C12orf42: variants seen among roughly 807,000 people sequenced by gnomAD.
C12orf42 encodes uncharacterized protein C12orf42.
In C12orf42, 25 loss-of-function variants were observed where a neutral mutation model predicts 21.6. The observed-to-expected ratio is 1.16, with a 90% CI of 0.84 to 1.62. The LOEUF (loss-of-function observed/expected upper bound fraction) is 1.62, where lower values mean the gene tolerates loss of function less well. C12orf42 is among the 40% of genes most tolerant of loss of function. The pLI is 0.00. For synonymous variants in C12orf42, 174 were observed against 175.0 expected (o/e 0.99, Z 0.05); for missense variants, 483 against 459.3 (o/e 1.05, Z -0.47).
the C12orf42 span, among the ~76,000 whole-genome samples, chr12:103,145,956 G>T: frequency 0.016 from 2,084 of 128,734 alleles, 15 homozygotes; most frequent in Middle Eastern, 0.041. Flanking sequence ...TATATATATA[G>T]AGAGAGAGAG....
chr12:103,272,882 C>A (rs1300286266), intron 5 of C12orf42, among the ~76,000 whole-genome samples: 1 of 152,176 alleles, frequency 6.6e-6, no homozygotes, highest in Non-Finnish European at 1.5e-5. Flanking sequence ...ATCTGCTTTT[C>A]TGTCTCTTGA....
At chr12:103,523,380 T>C in the C12orf42 span, among the ~76,000 whole-genome samples, 1 of 152,068 alleles carries the variant, frequency 6.6e-6, no homozygotes, top group Admixed American at 6.5e-5. Context: ...TTGGCCATTA[T>C]ATGTCTTCTC....
intron 4 of C12orf42, among the ~76,000 whole-genome samples, chr12:103,337,863 CT>C (rs969479649): frequency 1.2e-4 from 18 of 151,844 alleles, no homozygotes; most frequent in African/African-American, 3.1e-4. Flanking sequence ...CACTTACCCA[CT>C]TTTTTTTTCT....
At chr12:103,239,534 T>A (rs1018962296) in intron 10 of C12orf42, among the ~76,000 whole-genome samples, 2 of 152,190 alleles carry the variant, frequency 1.3e-5, no homozygotes, top group Admixed American at 6.6e-5. Context: ...CTCCTTCAGC[T>A]ATATTACTAG....
At chr12:103,093,933 A>G in the C12orf42 span, among the ~76,000 whole-genome samples, 1 of 151,680 alleles carries the variant, frequency 6.6e-6, no homozygotes, top group African/African-American at 2.4e-5. Context: ...TCTCCCACTC[A>G]CCTCTTGAGT....
At chr12:103,212,937 TAC>T in the C12orf42 span, among the ~76,000 whole-genome samples, 4 of 151,876 alleles carry the variant, frequency 2.6e-5, no homozygotes. Flanking sequence ...ACACACGCAC[TAC>T]ATATATATAT....
At chr12:103,530,694 A>G in the C12orf42 span, among the ~76,000 whole-genome samples, 1 of 152,140 alleles carries the variant, frequency 6.6e-6, no homozygotes, top group Non-Finnish European at 1.5e-5. Context: ...GGGGTGAAGG[A>G]GATAGGGAAA....
chr12:103,400,868 C>G (rs2047930141), intron 3 of C12orf42, among the ~76,000 whole-genome samples: 1 of 152,096 alleles, frequency 6.6e-6, no homozygotes, highest in East Asian at 1.9e-4. Context: ...GGCTGTGTTC[C>G]TTTTTAGAGG....
chr12:103,206,995 T>C, the C12orf42 span, among the ~76,000 whole-genome samples: 1 of 152,196 alleles, frequency 6.6e-6, no homozygotes, highest in Admixed American at 6.5e-5. Context: ...TGTTTCCCTC[T>C]TGTGGAATTC....
chr12:103,307,321 C>A (rs559161634), intron 4 of C12orf42, among the ~76,000 whole-genome samples: 1 of 152,248 alleles, frequency 6.6e-6, no homozygotes, highest in African/African-American at 2.4e-5. Context: ...CTCAATTGCT[C>A]AAAACTGCCC....
intron 4 of C12orf42, among the ~76,000 whole-genome samples, chr12:103,348,942 T>C (rs2042865287): frequency 6.6e-6 from 1 of 152,162 alleles, no homozygotes; most frequent in South Asian, 2.1e-4. Flanking sequence ...CAGCAGACAC[T>C]GTTGATGCAA....
chr12:103,438,548 C>T (rs537250157), intron 2 of C12orf42, among the ~76,000 whole-genome samples: 75 of 152,166 alleles, frequency 4.9e-4, no homozygotes, highest in African/African-American at 1.5e-3. Flanking sequence ...TGATAAGCAA[C>T]TTCAGCAAAG....
At chr12:103,137,202 G>T in the C12orf42 span, among the ~76,000 whole-genome samples, 1 of 152,110 alleles carries the variant, frequency 6.6e-6, no homozygotes, top group Non-Finnish European at 1.5e-5. Flanking sequence ...ACCATTTAAA[G>T]TGGGCAAAGG....
the C12orf42 span, among the ~76,000 whole-genome samples, chr12:103,157,045 G>T: frequency 1.2e-3 from 178 of 152,176 alleles, no homozygotes; most frequent in Non-Finnish European, 2.1e-3. Context: ...TTGAGGAATC[G>T]CCACACTGTC....
At chr12:103,283,713 C>T (rs2036271492) in intron 4 of C12orf42, among the ~76,000 whole-genome samples, 1 of 152,206 alleles carries the variant, frequency 6.6e-6, no homozygotes, top group Admixed American at 6.5e-5. Flanking sequence ...TCATCTATCT[C>T]CCACCCACTG....
At chr12:103,277,854 C>T (rs2035865420) in intron 4 of C12orf42, among the ~76,000 whole-genome samples, 1 of 152,082 alleles carries the variant, frequency 6.6e-6, no homozygotes, top group Non-Finnish European at 1.5e-5. Context: ...CTCCTGGCCT[C>T]GTGATCCACC....
the C12orf42 span, among the ~76,000 whole-genome samples, chr12:103,147,077 G>A: frequency 6.6e-6 from 1 of 152,132 alleles, no homozygotes; most frequent in African/African-American, 2.4e-5. Context: ...AAGAAGGCCC[G>A]TAAGTATACA....
At chr12:103,048,694 C>T in the C12orf42 span, among the ~76,000 whole-genome samples, 1 of 152,138 alleles carries the variant, frequency 6.6e-6, no homozygotes, top group African/African-American at 2.4e-5. Flanking sequence ...TAGCCTTGAC[C>T]TTTAACCCAG....
chr12:103,125,704 C>T, the C12orf42 span, among the ~76,000 whole-genome samples: 1 of 152,086 alleles, frequency 6.6e-6, no homozygotes, highest in Admixed American at 6.5e-5. Flanking sequence ...ATGAGGACCC[C>T]GGGTCAGATG....
Sources: gnomAD v4.1 joint callset for allele counts (sites outside exome capture counted in the v4.1 genomes callset) on GRCh38, gnomAD v4.1.1 for gene constraint, MANE v1.5 for transcripts, NCBI Gene and HGNC (gene_info 2026-07-23, HGNC 2026-07-21) for gene names.